Variants in CAPRIN1 observed in about 807,000 individuals in gnomAD.
The protein encoded by CAPRIN1 is cell cycle associated protein 1.
In CAPRIN1, 29 loss-of-function variants were observed where a neutral mutation model predicts 100.9. That is an observed-to-expected ratio of 0.29 (90% confidence interval 0.21 to 0.39). The LOEUF (loss-of-function observed/expected upper bound fraction) is 0.39, where lower values mean the gene tolerates loss of function less well. Ranked by LOEUF, CAPRIN1 falls within the 10% of genes least tolerant of loss-of-function variation. CAPRIN1 has a pLI of 1.00. For missense variants in CAPRIN1, 795 were observed against 876.7 expected, an observed-to-expected ratio of 0.91 and a Z score of 1.18; for synonymous variants, 338 against 307.5, an observed-to-expected ratio of 1.10 and a Z score of -1.04.
chr11:34,101,942 ACTT>A lies in CAPRIN1; in HGVS notation c.*2579_*2581del, dbSNP rs1271909060. On this transcript the variant is annotated 3_prime_UTR_variant, in exon 19 of 19. Transcript: ENST00000341394. ...ATAAATCATCTCATGTGGATATGAA[ACTT>A]CTTTTTTAAAACTTAAAAAGGTAGA... Among the ~76,000 whole-genome samples the A allele has an allele frequency of 6.6e-5, 10 of 152,180 alleles. No homozygotes were observed. The highest frequency in any genetic ancestry group is 1.9e-4 in the East Asian group (1 of 5,206).
intron 7 of CAPRIN1, among the ~76,000 whole-genome samples, chr11:34,080,800 G>T (rs1188564504): frequency 6.6e-6 from 1 of 152,228 alleles, no homozygotes; most frequent in African/African-American, 2.4e-5. Context: ...TATGTCAAGT[G>T]TGTATACAGT....
chr11:34,055,485 G>A (rs1176954771), intron 2 of CAPRIN1, among the ~76,000 whole-genome samples: 1 of 152,048 alleles, frequency 6.6e-6, no homozygotes, highest in Non-Finnish European at 1.5e-5. Flanking sequence ...CTGCCACCAC[G>A]CCCAACTAAT....
chr11:34,084,284 A>G (rs1851093502), intron 9 of CAPRIN1, among the ~76,000 whole-genome samples: 2 of 152,106 alleles, frequency 1.3e-5, no homozygotes, highest in African/African-American at 4.8e-5. Context: ...CAGCAACTTC[A>G]TCCCTCTGTT....
At chr11:34,084,719 A>T (rs749608909) in intron 9 of CAPRIN1, among the ~76,000 whole-genome samples, 3 of 152,114 alleles carry the variant, frequency 2.0e-5, no homozygotes, top group Non-Finnish European at 2.9e-5. Context: ...AGTCGATGGG[A>T]TGTATGTTTT....
intron 14 of CAPRIN1, 26 bp downstream of exon 14, chr11:34,090,704 G>A: frequency 6.3e-7 from 1 of 1,593,768 alleles, no homozygotes; most frequent in Non-Finnish European, 8.6e-7. Context: ...AACATTAATT[G>A]CCTAGTATGT....
chr11:34,081,552 C>G (rs983139046), intron 7 of CAPRIN1, among the ~76,000 whole-genome samples: 6 of 150,796 alleles, frequency 4.0e-5, no homozygotes, highest in African/African-American at 1.5e-4. Context: ...GGAGTGTAGT[C>G]GCATGATCTT....
Position 34,099,354 on chromosome 11 carries a change from A to G in CAPRIN1, c.2117A>G (p.Gln706Arg), listed in dbSNP as rs752102570. 20 of 1,613,706 alleles carry G rather than the reference A, an allele frequency of 1.2e-5. No homozygotes were observed. The South Asian group carries it at 1.5e-4, about 12-fold the overall frequency. Residue 706 changes from glutamine (Q) to arginine (R), a missense_variant, in exon 19 of 19, where the codon CAG becomes CGG. Around this residue, in one of 3 missense-constraint regions of CAPRIN1, gnomAD observed 648 missense variants for 697.9 expected, o/e 0.93. Transcript: ENST00000341394. ...PNRGMPQMNTQQVN is the reference protein window; with the variant it reads ...PNRGMPQMNTRQVN ...AGAGGGATGCCGCAAATGAACACTC[A>G]GCAAGTGAATTAATCTGATTCACAG...
At chr11:34,097,430 A>G in intron 17 of CAPRIN1, 134 bp downstream of exon 17, 1 of 791,850 alleles carries the variant, frequency 1.3e-6, no homozygotes, top group South Asian at 1.7e-5. Context: ...TGTTGAAACA[A>G]AAGCTTTTAG....
intron 4 of CAPRIN1, among the ~76,000 whole-genome samples, chr11:34,074,205 T>A (rs1013338213): frequency 6.6e-6 from 1 of 152,228 alleles, no homozygotes; most frequent in Non-Finnish European, 1.5e-5. Context: ...CTTGCTTTTT[T>A]AAAATAGAAG....
At position 34,086,355 on chromosome 11, in the gene CAPRIN1, T is replaced by C. The variant is rs757105245; in HGVS notation, c.1173T>C (p.Ser391=). ...ENQTLDPAIV[S]AQPMNPTQNM... is the part of the protein sequence containing the mutation. Reference sequence around the variant, plus strand: ...AGACACTTGATCCTGCCATTGTATCTGCACAGCCTATGAATCCAACACAAA... The same window carrying C: ...AGACACTTGATCCTGCCATTGTATCCGCACAGCCTATGAATCCAACACAAA... Residue 391 remains serine (S), a synonymous_variant, in exon 11 of 19, where the codon TCT becomes TCC. Coordinates refer to ENST00000341394, the MANE Select transcript of CAPRIN1 (RefSeq NM_005898.5). The C allele has an allele frequency of 1.9e-6, 3 of 1,614,122 alleles. No individual in the cohort carries two copies. The highest frequency in any genetic ancestry group is 2.5e-6 in the Non-Finnish European group (3 of 1,179,970).
intron 4 of CAPRIN1, among the ~76,000 whole-genome samples, chr11:34,072,252 A>C (rs561420524): frequency 2.0e-5 from 3 of 151,894 alleles, no homozygotes; most frequent in Admixed American, 6.6e-5. Context: ...GCTGTGGTGC[A>C]TATGATTGTT....
intron 2 of CAPRIN1, among the ~76,000 whole-genome samples, chr11:34,061,893 C>T (rs534729318): frequency 1.4e-5 from 2 of 147,224 alleles, no homozygotes; most frequent in Non-Finnish European, 3.0e-5. Context: ...ATCGCTGGAA[C>T]CTGGGAGGCA....
intron 16 of CAPRIN1, 149 bp downstream of exon 16, chr11:34,096,822 T>G: frequency 1.6e-6 from 1 of 620,852 alleles, no homozygotes. Flanking sequence ...TGGTACAATT[T>G]GTGTATTTGG....
intron 10 of CAPRIN1, 41 bp downstream of exon 10, chr11:34,086,260 G>A: frequency 4.3e-6 from 7 of 1,609,912 alleles, no homozygotes; most frequent in Non-Finnish European, 5.1e-6. Context: ...GAAAGTTTAA[G>A]TGTTTATATT....
At chr11:34,096,964 A>T (rs1317549938) in intron 16 of CAPRIN1, among the ~76,000 whole-genome samples, 1 of 152,156 alleles carries the variant, frequency 6.6e-6, no homozygotes, top group African/African-American at 2.4e-5. Context: ...TGTTTATTAT[A>T]TTTGTACAGA....
chr11:34,097,658 T>A (rs200502038), intron 17 of CAPRIN1, 40 bp from the exon 18 acceptor site: 2 of 1,613,214 alleles, frequency 1.2e-6, no homozygotes, highest in African/African-American at 2.7e-5. Context: ...AAGCATTTTT[T>A]AAAAAGTACC....
chr11:34,090,742 C>T lies in CAPRIN1; in HGVS notation c.1554+64C>T, dbSNP rs903664818. The T allele has an allele frequency of 4.7e-5, 70 of 1,493,126 alleles. No homozygotes were observed. The East Asian group carries it at 1.5e-3, about 32-fold the overall frequency. 92.5% of individuals were successfully genotyped at this position (1,493,126 alleles called of 1,614,324 possible). On this transcript the variant is annotated intron_variant, in intron 14 of 18. Coordinates refer to ENST00000341394, the MANE Select transcript of CAPRIN1 (RefSeq NM_005898.5). ...TATGAATCATGGTAGATTTTCTTTT[C>T]TTTTTTAAAGGTCTTCATTTAACTG...
rs187420442 is a variant in CAPRIN1 at position 34,067,145 on chromosome 11, G to A, written c.217-4581G>A. Among the ~76,000 whole-genome samples the A allele has an allele frequency of 2.7e-4, 41 of 152,202 alleles. 1 individual carries two copies. The highest frequency in any genetic ancestry group is 3.8e-4 in the Non-Finnish European group (26 of 68,002). Reference sequence around the variant, plus strand: ...AGATTTTGTCATGTTGACCAAGATGGTCTTGAACTCCTGACCTCAAGTGAT... The same window carrying A: ...AGATTTTGTCATGTTGACCAAGATGATCTTGAACTCCTGACCTCAAGTGAT... On this transcript the variant is annotated intron_variant, in intron 2 of 18. Coordinates refer to ENST00000341394, the MANE Select transcript of CAPRIN1 (RefSeq NM_005898.5).
At position 34,073,587 on chromosome 11, in the gene CAPRIN1, C is replaced by G. The variant is rs150449228; in HGVS notation, c.366+1600C>G. ...TACAGACCTGCGCCACCATGCCAGT[C>G]TAATTTTCTAATTTTTAGTAGGGAT... On this transcript the variant is annotated intron_variant, in intron 4 of 18. Transcript: ENST00000341394. Among the ~76,000 whole-genome samples, 18 of 152,228 alleles carry G rather than the reference C, an allele frequency of 1.2e-4. No individual in the cohort carries two copies. In the East Asian group the frequency reaches 3.3e-3, roughly 28 times the overall value.
Sources: allele counts gnomAD v4.1 joint callset (sites outside exome capture counted in the v4.1 genomes callset), GRCh38; gene constraint gnomAD v4.1.1; regional missense constraint gnomAD v4.1.1; transcripts MANE v1.5; gene names NCBI Gene and HGNC (gene_info 2026-07-23, HGNC 2026-07-21).